Variants in CASD1 observed in about 807,000 individuals in gnomAD.
CASD1 encodes the protein CAS1 domain sialic acid O acetyltransferase 1, also known as N-acetylneuraminate (7)9-O-acetyltransferase.
CASD1 carries 41 observed loss-of-function variants against 100.0 expected under a neutral mutation model. The observed-to-expected ratio is 0.41, with a 90% CI of 0.32 to 0.53. The LOEUF is 0.53. Among genes scored for constraint, CASD1 ranks in the 20% least tolerant of loss-of-function variants. The pLI, the probability that CASD1 is intolerant of heterozygous loss-of-function variation, is 0.25. For missense variants in CASD1, 774 were observed against 948.7 expected, an observed-to-expected ratio of 0.82 and a Z score of 2.42; for synonymous variants, 321 against 315.6, an observed-to-expected ratio of 1.02 and a Z score of -0.18.
Position 94,555,922 on chromosome 7 carries a change from G to A in CASD1, c.*164G>A. On this transcript the variant is annotated 3_prime_UTR_variant, in exon 18 of 18. Transcript: ENST00000297273. ...TGAACATATGTGGTTGTATATATTGGAAATGTACATATCCAATATGAAATA... is the reference window on the plus strand; with the variant it reads ...TGAACATATGTGGTTGTATATATTGAAAATGTACATATCCAATATGAAATA... 1 of 659,894 alleles carries A rather than the reference G, an allele frequency of 1.5e-6. No individual in the cohort carries two copies. Among genetic ancestry groups the A allele is most frequent in the Non-Finnish European group, 2.5e-6 (1 of 400,422 alleles). 40.9% of individuals were successfully genotyped at this position (659,894 alleles called of 1,614,324 possible).
rs529641023 is a variant in CASD1, at chr7:94,525,792, A to G, written c.352-1370A>G. On this transcript the variant is annotated intron_variant, in intron 3 of 17. Coordinates refer to ENST00000297273, the MANE Select transcript of CASD1 (RefSeq NM_022900.5). Reference sequence around the variant, plus strand: ...AAGTGATGTTTTAGAAGCACCAACAAGAATCTAAAAAGTTAACCTGTTGAT... The same window carrying G: ...AAGTGATGTTTTAGAAGCACCAACAGGAATCTAAAAAGTTAACCTGTTGAT... Among the ~76,000 whole-genome samples the G allele has an allele frequency of 9.8e-5, 15 of 152,346 alleles. No homozygotes were observed. In the South Asian group the frequency reaches 1.4e-3, roughly 15 times the overall value.
the CASD1 span, among the ~76,000 whole-genome samples, chr7:94,577,141 A>C: frequency 2.6e-5 from 4 of 152,152 alleles, no homozygotes; most frequent in Admixed American, 2.6e-4. Context: ...TCCAACTTCT[A>C]TGTTTCCTGG....
At chr7:94,598,343 C>A in the CASD1 span, 1 of 187,036 alleles carries the variant, frequency 5.3e-6, no homozygotes, top group South Asian at 1.0e-4. Flanking sequence ...ACAACCCAAA[C>A]ACCCTTAATT....
At chr7:94,535,244 A>G (rs1175290223) in intron 7 of CASD1, 65 bp from the exon 8 acceptor site, 8 of 1,204,074 alleles carry the variant, frequency 6.6e-6, no homozygotes, top group South Asian at 1.3e-5. Context: ...GCTAACTTGC[A>G]TGATCACAAT....
the CASD1 span, chr7:94,627,499 T>G: frequency 6.6e-6 from 1 of 152,044 alleles, no homozygotes; most frequent in African/African-American, 2.4e-5. Context: ...CGCCTCCCAT[T>G]CCCATCATTT....
chr7:94,572,194 A>G, the CASD1 span, among the ~76,000 whole-genome samples: 3 of 152,192 alleles, frequency 2.0e-5, no homozygotes, highest in South Asian at 4.2e-4. Flanking sequence ...TAGATTTCCT[A>G]AATGTGAATG....
At chr7:94,601,425 T>C in the CASD1 span, among the ~76,000 whole-genome samples, 8 of 131,496 alleles carry the variant, frequency 6.1e-5, no homozygotes, top group African/African-American at 2.5e-4. Flanking sequence ...CCAGTCTTAC[T>C]TAATTCTATC....
chr7:94,533,315 G>GTCTC (rs1794943858), intron 6 of CASD1, 66 bp downstream of exon 6: 8 of 1,300,246 alleles, frequency 6.2e-6, no homozygotes, highest in Non-Finnish European at 8.7e-6. Flanking sequence ...CTAAGAAAAA[G>GTCTC]TTAATTTGTG....
intron 4 of CASD1, 60 bp from the exon 5 acceptor site, chr7:94,528,128 T>C: frequency 8.7e-7 from 1 of 1,148,236 alleles, no homozygotes; most frequent in Non-Finnish European, 1.3e-6. Flanking sequence ...ATGTTTATTT[T>C]GAATGGTGGA....
the CASD1 span, among the ~76,000 whole-genome samples, chr7:94,574,988 A>C: frequency 6.6e-6 from 1 of 151,908 alleles, no homozygotes; most frequent in Non-Finnish European, 1.5e-5. Context: ...CAAACAAACA[A>C]ACACCCCAAT....
At chr7:94,576,202 G>C in the CASD1 span, among the ~76,000 whole-genome samples, 1 of 152,210 alleles carries the variant, frequency 6.6e-6, no homozygotes, top group Middle Eastern at 3.4e-3. Context: ...CCTCAGACTG[G>C]ATAACCTCAG....
At chr7:94,519,386 A>G (rs1240537816) in intron 3 of CASD1, among the ~76,000 whole-genome samples, 1 of 152,180 alleles carries the variant, frequency 6.6e-6, no homozygotes, top group Non-Finnish European at 1.5e-5. Context: ...TCATGAATTT[A>G]TGAAAATCTG....
the CASD1 span, among the ~76,000 whole-genome samples, chr7:94,578,366 A>G: frequency 3.3e-5 from 5 of 152,168 alleles, no homozygotes; most frequent in African/African-American, 4.8e-5. Flanking sequence ...ATCATCTTTA[A>G]TCCCACTTCC....
the CASD1 span, among the ~76,000 whole-genome samples, chr7:94,565,844 G>T: frequency 6.6e-6 from 1 of 152,164 alleles, no homozygotes; most frequent in East Asian, 1.9e-4. Flanking sequence ...CAATACATTT[G>T]CTAAGGAAAA....
chr7:94,532,603 A>G (rs1031081587), intron 5 of CASD1, among the ~76,000 whole-genome samples: 1 of 152,214 alleles, frequency 6.6e-6, no homozygotes, highest in African/African-American at 2.4e-5. Context: ...TCAGACCTCA[A>G]TTGACTATGG....
At position 94,554,489 on chromosome 7, in the gene CASD1, G is replaced by A; in HGVS notation, c.2041G>A (p.Ala681Thr). The change falls in exon 17 of 18, where the codon GCC becomes ACC. Residue 681 changes from alanine (A) to threonine (T), a missense_variant. Around this residue, in one of 5 missense-constraint regions of CASD1, gnomAD observed 175 missense variants for 206.9 expected, o/e 0.85. Transcript: ENST00000297273. ...HPSVSVVQIL[A>T]FILIRNIPGY... ...TTTTGTGCTTTTTCTTTAGATTTTA[G>A]CCTTCATCCTAATAAGAAACATCCC... 6.2e-7 allele frequency: 1 copy of A among 1,602,694 alleles called. No homozygotes were observed. The highest frequency in any genetic ancestry group is 8.5e-7 in the Non-Finnish European group (1 of 1,172,566).
Position 94,545,604 on chromosome 7 carries a change from T to C in CASD1, c.1536T>C (p.Tyr512=), listed in dbSNP as rs1795638525. The C allele has an allele frequency of 6.2e-7, 1 of 1,609,386 alleles. No individual in the cohort carries two copies. The highest frequency in any genetic ancestry group is 2.2e-5 in the East Asian group (1 of 44,772). ...VVLCIVMDRP[Y]QFYYFVPLVT... ...TATGTATAGTAATGGATCGACCTTA[T>C]CAATTCTATTACTTTGTCCCCTTGG... is the stretch of plus-strand genomic sequence containing the variant. The change falls in exon 12 of 18, where the codon TAT becomes TAC. Residue 512 remains tyrosine (Y), a synonymous_variant. Coordinates refer to ENST00000297273, the MANE Select transcript of CASD1 (RefSeq NM_022900.5).
At chr7:94,619,756 TCAC>T in the CASD1 span, 1 of 152,216 alleles carries the variant, frequency 6.6e-6, no homozygotes, top group Non-Finnish European at 1.5e-5. Context: ...CATTTAATTC[TCAC>T]AACAAGAGGG....
the CASD1 span, among the ~76,000 whole-genome samples, chr7:94,581,106 T>G: frequency 6.6e-6 from 1 of 152,198 alleles, no homozygotes; most frequent in Non-Finnish European, 1.5e-5. Flanking sequence ...ATCACTCTCC[T>G]AGTGCCATGA....
Sources: gnomAD v4.1 joint callset for allele counts (sites outside exome capture counted in the v4.1 genomes callset) on GRCh38, gnomAD v4.1.1 for gene constraint, gnomAD v4.1.1 regional missense constraint, MANE v1.5 for transcripts, NCBI Gene and HGNC (gene_info 2026-07-23, HGNC 2026-07-21) for gene names.